Variants in LAMB1 observed in about 807,000 individuals in gnomAD.
LAMB1 encodes laminin subunit beta-1.
Under a neutral mutation model 222.3 loss-of-function variants are expected in LAMB1, and 121 were observed. The observed-to-expected ratio is 0.54, with a 90% CI of 0.47 to 0.63. LAMB1 has a LOEUF of 0.63. LAMB1 is among the 30% of genes least tolerant of loss of function. The pLI, the probability that LAMB1 is intolerant of heterozygous loss-of-function variation, is 0.00. For synonymous variants in LAMB1, 794 were observed against 807.2 expected, an observed-to-expected ratio of 0.98 and a Z score of 0.28; for missense variants, 2,172 against 2,240.8, an observed-to-expected ratio of 0.97 and a Z score of 0.62.
Position 107,925,985 on chromosome 7 carries a change from A to G in LAMB1, c.5064+198T>C, listed in dbSNP as rs7806946. On this transcript the variant is annotated intron_variant, in intron 32 of 33. Transcript: ENST00000222399. ...CTCTTGTCCAAATTTGGATTTGAGG[A>G]CATAGGTCATACTTATTAGATATTT... Among the ~76,000 whole-genome samples, 100,201 of 151,542 alleles carry G rather than the reference A, an allele frequency of 0.66. 33,931 individuals carry two copies. Among genetic ancestry groups the G allele is most frequent in the East Asian group, 0.85 (4,401 of 5,158 alleles).
chr7:107,960,531 C>A lies in LAMB1; in HGVS notation c.2228G>T (p.Ser743Ile). The part of the protein sequence containing the change: ...TFQRYRCLEN[S>I]RSVVKTPMTD... Reference sequence around the variant, plus strand: ...CATCGGTGTTTTCACAACGCTTCTGCTGTTCTCTAGACATCGGTATCTCTG... The same window carrying A: ...CATCGGTGTTTTCACAACGCTTCTGATGTTCTCTAGACATCGGTATCTCTG... Residue 743 changes from serine to isoleucine, a missense_variant, in exon 18 of 34, where the codon AGC becomes ATC. Coordinates refer to ENST00000222399, the MANE Select transcript of LAMB1 (RefSeq NM_002291.3). 1 of 1,614,178 alleles carries A rather than the reference C, an allele frequency of 6.2e-7. No individual in the cohort carries two copies. The highest frequency in any genetic ancestry group is 2.2e-5 in the East Asian group (1 of 44,888).
rs761820090 is a variant in LAMB1, at chr7:107,959,436, G to A, written c.2503C>T (p.Pro835Ser). The stretch of plus-strand genomic sequence containing the variant: ...AAACAGTGGCACTGGCCAGTGACGG[G>A]ATTGCAGAAGGCATTGACAGATCCT... The part of the protein sequence containing the change: ...LQGSVNAFCN[P>S]VTGQCHCFQG... The change falls in exon 20 of 34, where the codon CCC (proline) becomes TCC (serine). Residue 835 changes from proline (P) to serine (S), a missense_variant. Physicochemically the swap from Pro to Ser is moderately conservative, Grantham distance 74. Coordinates refer to ENST00000222399, the MANE Select transcript of LAMB1 (RefSeq NM_002291.3). The A allele has an allele frequency of 1.9e-6, 3 of 1,614,246 alleles. No individual in the cohort carries two copies. The highest frequency in any genetic ancestry group is 2.2e-5 in the South Asian group (2 of 91,088).
intron 6 of LAMB1, 40 bp downstream of exon 6, chr7:107,986,135 A>T (rs1230799730): frequency 1.2e-6 from 2 of 1,610,306 alleles, no homozygotes; most frequent in African/African-American, 2.7e-5. Flanking sequence ...ATCAAAAAGT[A>T]GATTTGCAAG....
intron 8 of LAMB1, 117 bp from the exon 9 acceptor site, chr7:107,978,284 GA>G: frequency 2.6e-6 from 3 of 1,165,708 alleles, no homozygotes; most frequent in Non-Finnish European, 3.7e-6. Flanking sequence ...GCTCACCACA[GA>G]AAAGGGTTGT....
chr7:107,961,575 C>A lies in LAMB1; in HGVS notation c.1959G>T (p.Gln653His). 2 of 1,613,986 alleles carry A rather than the reference C, an allele frequency of 1.2e-6. No homozygotes were observed. Among genetic ancestry groups the A allele is most frequent in the South Asian group, 2.2e-5 (2 of 91,062 alleles). Residue 653 changes from glutamine (Q) to histidine (H), a missense_variant, in exon 16 of 34, where the codon CAG (glutamine) becomes CAT (histidine). Coordinates refer to ENST00000222399, the MANE Select transcript of LAMB1 (RefSeq NM_002291.3). ...CGNTIPDDDN[Q>H]VVSLSPGSRY... Reference sequence around the variant, plus strand: ...TTGAGCCTGGTGATAATGACACCACCTGGTTGTCATCATCGGGGATGGTAT... The same window carrying A: ...TTGAGCCTGGTGATAATGACACCACATGGTTGTCATCATCGGGGATGGTAT...
chr7:107,972,278 A>G (rs925594968), intron 13 of LAMB1, among the ~76,000 whole-genome samples: 1 of 152,216 alleles, frequency 6.6e-6, no homozygotes, highest in Non-Finnish European at 1.5e-5. Context: ...TTTTGAGTAC[A>G]TGAAGCTTGC....
At chr7:107,939,230 G>T (rs2032920837) in intron 25 of LAMB1, among the ~76,000 whole-genome samples, 1 of 152,102 alleles carries the variant, frequency 6.6e-6, no homozygotes, top group South Asian at 2.1e-4. Flanking sequence ...GAGTTGGGAA[G>T]TTTAGGGGCA....
At chr7:107,992,859 C>T (rs1310761690) in intron 5 of LAMB1, among the ~76,000 whole-genome samples, 2 of 152,166 alleles carry the variant, frequency 1.3e-5, no homozygotes, top group Non-Finnish European at 2.9e-5. Context: ...TGCACCACTG[C>T]ACTCCAGCCT....
chr7:107,944,434 C>T (rs1175301407), intron 24 of LAMB1, among the ~76,000 whole-genome samples: 2 of 152,164 alleles, frequency 1.3e-5, no homozygotes, highest in Non-Finnish European at 2.9e-5. Context: ...CCAGTTCAGC[C>T]AAACTGACCA....
At position 107,935,347 on chromosome 7, in the gene LAMB1, G is replaced by GTTTTTT. The variant is rs200599445; in HGVS notation, c.4188+62_4188+67dup. On this transcript the variant is annotated intron_variant, in intron 27 of 33. Transcript: ENST00000222399. ...GACAAAAGATGGTTTGTTTTTCTTT[G>GTTTTTT]TTTTTTTTTTTTTTTTTTTTTTTTT... is the stretch of plus-strand genomic sequence containing the variant. 2.3e-5 allele frequency: 27 copies of GTTTTTT among 1,173,266 alleles called. 4 individuals are homozygous for GTTTTTT. The highest frequency in any genetic ancestry group is 1.9e-4 in the African/African-American group (8 of 41,536). The allele number at this position is 1,173,266 out of a possible 1,614,324, so 72.7% of individuals were successfully genotyped here.
chr7:107,982,973 G>A (rs992355162), intron 7 of LAMB1, among the ~76,000 whole-genome samples: 1 of 152,148 alleles, frequency 6.6e-6, no homozygotes, highest in African/African-American at 2.4e-5. Context: ...CACCTTAAAG[G>A]GAGCAGATGG....
In LAMB1 at chr7:107,990,033, T is replaced by G. The variant is rs1439225187; in HGVS notation, c.424-3670A>C. Among the ~76,000 whole-genome samples the G allele has an allele frequency of 4.6e-5, 7 of 152,006 alleles. No homozygotes were observed. In the East Asian group the frequency reaches 7.7e-4, roughly 17 times the overall value. On this transcript the variant is annotated intron_variant, in intron 5 of 33. Transcript: ENST00000222399. ...AGACCTATGAGTTTTTTGTGTTTTT[T>G]TTTGTTTGTTTGTTTTGTTTTTTGA...
chr7:107,977,471 T>C (rs552325696), intron 9 of LAMB1, among the ~76,000 whole-genome samples: 2 of 152,276 alleles, frequency 1.3e-5, no homozygotes, highest in Admixed American at 6.5e-5. Context: ...AGTTCTTTCA[T>C]TTTTCTCTCA....
At position 107,973,066 on chromosome 7, in the gene LAMB1, C is replaced by G. The variant is rs534175187; in HGVS notation, c.1488G>C (p.Glu496Asp). 2 of 1,613,730 alleles carry G rather than the reference C, an allele frequency of 1.2e-6. No individual in the cohort carries two copies. Among genetic ancestry groups the G allele is most frequent in the African/African-American group, 2.7e-5 (2 of 75,024 alleles). Residue 496 changes from glutamate (E) to aspartate (D), a missense_variant, in exon 13 of 34, where the codon GAG becomes GAC. Glu to Asp is a conservative substitution (Grantham distance 45, BLOSUM62 2). Coordinates refer to ENST00000222399, the MANE Select transcript of LAMB1 (RefSeq NM_002291.3). ...TGQHCDQCLPEHWGLSNDLDG... is the reference protein window; with the variant it reads ...TGQHCDQCLPDHWGLSNDLDG... The stretch of plus-strand genomic sequence containing the variant: ...CCAAATCATTGCTTAAGCCCCAGTG[C>G]TCTGGCTGCAGAACAAAACGTGAAA...
chr7:107,963,552 A>G (rs1221883651), intron 14 of LAMB1, among the ~76,000 whole-genome samples: 3 of 152,206 alleles, frequency 2.0e-5, no homozygotes, highest in Non-Finnish European at 4.4e-5. Flanking sequence ...AATTGTTTAC[A>G]GGGTTATTTT....
chr7:107,931,585 GTTGAAAAA>G, intron 28 of LAMB1, 85 bp from the exon 29 acceptor site: 1 of 1,258,186 alleles, frequency 7.9e-7, no homozygotes, highest in South Asian at 1.3e-5. Context: ...CAAAAATGAT[GTTGAAAAA>G]CTATGTACTT....
At chr7:107,991,035 AG>A (rs1217071222) in intron 5 of LAMB1, among the ~76,000 whole-genome samples, 2 of 152,156 alleles carry the variant, frequency 1.3e-5, no homozygotes, top group African/African-American at 4.8e-5. Context: ...CCTGAAACAC[AG>A]GTCTCATTTT....
At chr7:107,958,336 G>A (rs181979226) in intron 20 of LAMB1, among the ~76,000 whole-genome samples, 12 of 152,256 alleles carry the variant, frequency 7.9e-5, no homozygotes, top group South Asian at 4.1e-4. Context: ...CTTGAGTACC[G>A]TTCTAGCATT....
At chr7:107,955,837 A>C (rs2033364022) in intron 20 of LAMB1, among the ~76,000 whole-genome samples, 1 of 151,590 alleles carries the variant, frequency 6.6e-6, no homozygotes, top group African/African-American at 2.4e-5. Flanking sequence ...GGTTCAAGTG[A>C]TTCTCCTGCC....
Sources: gnomAD v4.1 joint callset for allele counts (sites outside exome capture counted in the v4.1 genomes callset) on GRCh38, gnomAD v4.1.1 for gene constraint, MANE v1.5 for transcripts, NCBI Gene and HGNC (gene_info 2026-07-23, HGNC 2026-07-21) for gene names.